Variants in PLEKHA4 observed in about 807,000 individuals in gnomAD.
PLEKHA4 encodes pleckstrin homology domain containing A4, also known as pleckstrin homology domain-containing family A member 4.
A neutral mutation model predicts 94.7 loss-of-function variants in PLEKHA4; 73 were observed. The ratio of observed to expected loss-of-function variants is 0.77; its 90% CI spans 0.64 to 0.94. The LOEUF is 0.94. Among genes scored for constraint, PLEKHA4 ranks in the 40% least tolerant of loss-of-function variants. The pLI, the probability that PLEKHA4 is intolerant of heterozygous loss-of-function variation, is 0.00. For missense variants in PLEKHA4, 1,049 were observed against 1,054.1 expected (o/e 1.00, Z 0.07); for synonymous variants, 449 against 437.1 (o/e 1.03, Z -0.34).
At chr19:48,863,591 C>T (rs375454514) in intron 3 of PLEKHA4, among the ~76,000 whole-genome samples, 21 of 151,890 alleles carry the variant, frequency 1.4e-4, no homozygotes, top group South Asian at 1.0e-3. Flanking sequence ...CCACCACGCC[C>T]GGCTAATTTT....
intron 8 of PLEKHA4, among the ~76,000 whole-genome samples, chr19:48,858,419 G>A (rs1487847848): frequency 6.6e-6 from 1 of 151,982 alleles, no homozygotes; most frequent in Non-Finnish European, 1.5e-5. Context: ...AGCTGGTCAG[G>A]AGTTCGAGAC....
intron 17 of PLEKHA4, among the ~76,000 whole-genome samples, chr19:48,839,945 C>CA (rs111593297): frequency 0.12 from 17,326 of 139,436 alleles, 1,176 homozygotes; most frequent in Middle Eastern, 0.17. Context: ...ACTAAAAATA[C>CA]AAAAAAAAAA....
intron 16 of PLEKHA4, 48 bp downstream of exon 16, chr19:48,845,322 G>A (rs1454746513): frequency 6.4e-7 from 1 of 1,560,172 alleles, no homozygotes; most frequent in Non-Finnish European, 8.8e-7. Context: ...AAGTGTGGGG[G>A]TCCCTGATGG....
rs2035926476 is a variant in PLEKHA4 at position 48,845,382 on chromosome 19, C to A, written c.1731G>T (p.Gln577His). The part of the protein sequence containing the change: ...SPEGRHLPSP[Q>H]LGTKAPVARP... The stretch of plus-strand genomic sequence containing the variant: ...ACCTACAGCTTACCTTGGTTCCTAG[C>A]TGTGGGGAAGGGAGGTGGCGACCCT... Residue 577 changes from glutamine (Q) to histidine (H), a missense_variant, in exon 16 of 20, where the codon CAG becomes CAT. Physicochemically the swap from Gln to His is conservative, Grantham distance 24. Transcript: ENST00000263265. 1.9e-6 allele frequency: 3 copies of A among 1,613,072 alleles called. No individual in the cohort carries two copies. Among genetic ancestry groups the A allele is most frequent in the Non-Finnish European group, 2.5e-6 (3 of 1,179,982 alleles).
At chr19:48,847,349 T>C (rs537005745) in intron 14 of PLEKHA4, among the ~76,000 whole-genome samples, 2 of 152,156 alleles carry the variant, frequency 1.3e-5, no homozygotes, top group East Asian at 1.9e-4. Context: ...AGCAGGAGGA[T>C]TGCTTGAGCC....
chr19:48,854,179 C>T, intron 10 of PLEKHA4, 38 bp downstream of exon 10: 5 of 1,607,156 alleles, frequency 3.1e-6, no homozygotes, highest in Non-Finnish European at 4.2e-6. Flanking sequence ...CTCCCCAACT[C>T]TGGGAACTCA....
intron 14 of PLEKHA4, among the ~76,000 whole-genome samples, chr19:48,846,433 C>G (rs1008819653): frequency 2.0e-5 from 3 of 152,064 alleles, no homozygotes; most frequent in Admixed American, 6.6e-5. Context: ...GCCTGAGCAA[C>G]AGAGAGAGAC....
At position 48,860,339 on chromosome 19, in the gene PLEKHA4, CCT is replaced by C. The variant is rs1304757200; in HGVS notation, c.476+9_476+10del. On this transcript the variant is annotated intron_variant, in intron 6 of 19. Transcript: ENST00000263265. Reference sequence around the variant, plus strand: ...TGGAGGGTCAGGAGCATGGCTTGGACCTCTACTCACTAGTCGTCCCCCTCCGC... The same window carrying C: ...TGGAGGGTCAGGAGCATGGCTTGGACCTACTCACTAGTCGTCCCCCTCCGC... The C allele has an allele frequency of 1.2e-5, 19 of 1,608,154 alleles. No individual in the cohort carries two copies. Among genetic ancestry groups the C allele is most frequent in the Non-Finnish European group, 1.4e-5 (17 of 1,175,448 alleles).
chr19:48,864,200 A>C (rs1599934195), intron 3 of PLEKHA4, among the ~76,000 whole-genome samples: 6 of 142,318 alleles, frequency 4.2e-5, no homozygotes, highest in South Asian at 2.2e-4. Flanking sequence ...ATGGAGTCTC[A>C]CTCCATCATC....
Position 48,854,239 on chromosome 19 carries a change from A to C in PLEKHA4, c.1073T>G (p.Phe358Cys). Residue 358 changes from phenylalanine to cysteine, a missense_variant, in exon 10 of 20, where the codon TTC becomes TGC. Phe to Cys is a radical substitution (Grantham distance 205). Coordinates refer to ENST00000263265, the MANE Select transcript of PLEKHA4 (RefSeq NM_020904.3). ...TACATCTGTCTCCAAGCTTTGGTGG[A>C]AAGTTGACTCCAGGGGAGGACCCGG... ...LLPGPPLEST[F>C]HQSLETDTLL... 3 of 1,614,140 alleles carry C rather than the reference A, an allele frequency of 1.9e-6. No individual in the cohort carries two copies. The highest frequency in any genetic ancestry group is 8.5e-7 in the Non-Finnish European group (1 of 1,180,004).
At chr19:48,853,423 C>G (rs1599897395) in intron 12 of PLEKHA4, among the ~76,000 whole-genome samples, 1 of 151,630 alleles carries the variant, frequency 6.6e-6, no homozygotes, top group African/African-American at 2.4e-5. Flanking sequence ...CCCAGTTACT[C>G]AGGAGGCTGA....
At chr19:48,855,049 A>G (rs1293647398) in intron 9 of PLEKHA4, among the ~76,000 whole-genome samples, 1 of 152,100 alleles carries the variant, frequency 6.6e-6, no homozygotes, top group African/African-American at 2.4e-5. Context: ...AGCAAATTTC[A>G]GTAGACCAAC....
At chr19:48,862,811 C>A (rs541111626) in intron 3 of PLEKHA4, among the ~76,000 whole-genome samples, 1 of 152,366 alleles carries the variant, frequency 6.6e-6, no homozygotes, top group African/African-American at 2.4e-5. Context: ...CCGCACCCAG[C>A]CCCCACTTTC....
chr19:48,848,796 CA>C (rs34068951), intron 13 of PLEKHA4, among the ~76,000 whole-genome samples: 5,860 of 107,020 alleles, frequency 0.055, 302 homozygotes, highest in African/African-American at 0.16. Context: ...GACACTGTCT[CA>C]AAAAAAAAAA....
chr19:48,862,221 GAC>G (rs2036670966), intron 3 of PLEKHA4, among the ~76,000 whole-genome samples: 1 of 62,728 alleles, frequency 1.6e-5, no homozygotes, highest in Admixed American at 1.5e-4. Context: ...TTTTTTTTTT[GAC>G]AGAGTCTTGC....
At position 48,858,912 on chromosome 19, in the gene PLEKHA4, C is replaced by T. The variant is rs776931825; in HGVS notation, c.920G>A (p.Gly307Glu). Residue 307 changes from glycine (G) to glutamate (E), a missense_variant, in exon 8 of 20, where the codon GGA becomes GAA. Gly to Glu is a moderately conservative substitution (Grantham distance 98, BLOSUM62 -2). Coordinates refer to ENST00000263265, the MANE Select transcript of PLEKHA4 (RefSeq NM_020904.3). Reference protein sequence around the residue: ...PRRGPPSEAGGGKPPRSPQHW... With the variant: ...PRRGPPSEAGEGKPPRSPQHW... The stretch of plus-strand genomic sequence containing the variant: ...CTGGGGACTCCTGGGGGGCTTTCCT[C>T]CCCCAGCCTCAGAGGGAGGTCCTCG... 2.5e-6 allele frequency: 4 copies of T among 1,605,384 alleles called. No individual in the cohort carries two copies. The highest frequency in any genetic ancestry group is 3.4e-6 in the Non-Finnish European group (4 of 1,177,528).
chr19:48,848,289 AT>A, intron 13 of PLEKHA4, among the ~76,000 whole-genome samples: 1 of 149,230 alleles, frequency 6.7e-6, no homozygotes, highest in Non-Finnish European at 1.5e-5. Context: ...GATCGAGACC[AT>A]CCCGGCTAAA....
At position 48,861,453 on chromosome 19, in the gene PLEKHA4, T is replaced by C; in HGVS notation, c.314A>G (p.Asn105Ser). 6.2e-7 allele frequency: 1 copy of C among 1,614,068 alleles called. No homozygotes were observed. Among genetic ancestry groups the C allele is most frequent in the Non-Finnish European group, 8.5e-7 (1 of 1,180,014 alleles). The stretch of plus-strand genomic sequence containing the variant: ...GGCTCCCGGCCCATCTGGTCTAATA[T>C]TGTAGCTGGGGAGCAGGACGCTGCC... ...VLGSVLLPSY[N>S]IRPDGPGAPR... The change falls in exon 5 of 20, where the codon AAT becomes AGT. Residue 105 changes from asparagine (N) to serine (S), a missense_variant. Asn to Ser is a conservative substitution (Grantham distance 46). Transcript: ENST00000263265.
At chr19:48,866,950 T>C (rs980051935) in intron 2 of PLEKHA4, among the ~76,000 whole-genome samples, 2 of 152,146 alleles carry the variant, frequency 1.3e-5, no homozygotes, top group Admixed American at 1.3e-4. Context: ...TCAGGCATCC[T>C]TAGCCAGGTC....
Sources: allele counts gnomAD v4.1 joint callset (sites outside exome capture counted in the v4.1 genomes callset), GRCh38; gene constraint gnomAD v4.1.1; transcripts MANE v1.5; gene names NCBI Gene and HGNC (gene_info 2026-07-23, HGNC 2026-07-21).